RAB5B: variants seen among roughly 807,000 people sequenced by gnomAD.
RAB5B encodes ras-related protein Rab-5B.
A neutral mutation model predicts 28.6 loss-of-function variants in RAB5B; 11 were observed. The observed-to-expected ratio is 0.38, with a 90% CI of 0.24 to 0.64. RAB5B has a LOEUF of 0.64. Among genes scored for constraint, RAB5B ranks in the 30% least tolerant of loss-of-function variants. RAB5B has a pLI of 0.53. For missense variants in RAB5B, 169 were observed against 265.6 expected (o/e 0.64, Z 2.53); for synonymous variants, 93 against 97.9 (o/e 0.95, Z 0.29).
At chr12:55,990,381 C>T (rs573339607) in intron 3 of RAB5B, among the ~76,000 whole-genome samples, 1 of 151,846 alleles carries the variant, frequency 6.6e-6, no homozygotes, top group African/African-American at 2.4e-5. Flanking sequence ...GCACTCTAGC[C>T]TCGGCGACAG....
rs753560571 is a variant in RAB5B, at chr12:55,990,431, C to G, written c.316-251C>G. Among the ~76,000 whole-genome samples, 19 of 151,854 alleles carry G rather than the reference C, an allele frequency of 1.3e-4. 1 individual carries two copies. The highest frequency in any genetic ancestry group is 6.6e-5 in the Admixed American group (1 of 15,238). On this transcript the variant is annotated intron_variant, in intron 3 of 5. Transcript: ENST00000360299. ...TCAAAAAAAAAAGAAAAAAGACTGT[C>G]CTTGCTTATATTTAGAGGAGTTAGT...
At chr12:55,976,928 G>A (rs942815676) in intron 1 of RAB5B, among the ~76,000 whole-genome samples, 3 of 152,146 alleles carry the variant, frequency 2.0e-5, no homozygotes, top group Non-Finnish European at 4.4e-5. Context: ...TTTCCCCCAA[G>A]GAACTTTTCT....
At chr12:55,986,806 C>T in intron 1 of RAB5B, 63 bp from the exon 2 acceptor site, 1 of 662,038 alleles carries the variant, frequency 1.5e-6, no homozygotes, top group East Asian at 2.7e-5. Flanking sequence ...CTATCCTTCT[C>T]TGAAAAGCGA....
At chr12:55,977,922 A>T (rs939166914) in intron 1 of RAB5B, among the ~76,000 whole-genome samples, 6 of 152,132 alleles carry the variant, frequency 3.9e-5, no homozygotes, top group African/African-American at 1.2e-4. Context: ...GTGTTTCTCA[A>T]GTCAGGAATT....
chr12:55,990,601 A>G, intron 3 of RAB5B, 81 bp from the exon 4 acceptor site: 2 of 1,559,222 alleles, frequency 1.3e-6, no homozygotes, highest in Non-Finnish European at 1.8e-6. Context: ...AGAAGAGGTG[A>G]ATTTTGAGAC....
rs755230046 is a variant in RAB5B at position 55,987,072 on chromosome 12, T to A, written c.112T>A (p.Leu38Ile). ...TGCAGTGGGAAAGTCAAGCCTGGTATTACGTTTTGTCAAAGGGCAGTTCCA... is the reference window on the plus strand; with the variant it reads ...TGCAGTGGGAAAGTCAAGCCTGGTAATACGTTTTGTCAAAGGGCAGTTCCA... ...ESAVGKSSLV[L>I]RFVKGQFHEY... Residue 38 changes from leucine to isoleucine, a missense_variant, in exon 2 of 6, where the codon TTA becomes ATA. Physicochemically the swap from Leu to Ile is conservative, Grantham distance 5 (BLOSUM62 2). Around this residue, in one of 3 missense-constraint regions of RAB5B, gnomAD observed 43 missense variants for 85.8 expected, o/e 0.50. Coordinates refer to ENST00000360299, the MANE Select transcript of RAB5B (RefSeq NM_002868.4). 12 of 1,614,082 alleles carry A rather than the reference T, an allele frequency of 7.4e-6. No individual in the cohort carries two copies. The highest frequency in any genetic ancestry group is 1.0e-5 in the Non-Finnish European group (12 of 1,180,002).
intron 1 of RAB5B, among the ~76,000 whole-genome samples, chr12:55,979,820 A>G (rs78930721): frequency 0.077 from 11,702 of 152,230 alleles, 1,494 homozygotes; most frequent in African/African-American, 0.27. Context: ...TTCTCTTTAG[A>G]GTTCAGCATT....
At chr12:55,983,422 G>A (rs1388855257) in intron 1 of RAB5B, among the ~76,000 whole-genome samples, 1 of 152,132 alleles carries the variant, frequency 6.6e-6, no homozygotes, top group Non-Finnish European at 1.5e-5. Context: ...TGAAAAATTT[G>A]CTGTATCATC....
intron 1 of RAB5B, among the ~76,000 whole-genome samples, chr12:55,986,448 AAAAG>A (rs1399848678): frequency 6.6e-6 from 1 of 152,188 alleles, no homozygotes; most frequent in African/African-American, 2.4e-5. Context: ...GTCTCAAAAA[AAAAG>A]AAGAAAAGGA....
At chr12:55,975,048 A>T (rs952850040) in intron 1 of RAB5B, among the ~76,000 whole-genome samples, 1 of 152,194 alleles carries the variant, frequency 6.6e-6, no homozygotes, top group Admixed American at 6.5e-5. Context: ...TGAAAGAGCT[A>T]AGAAGTTGGA....
chr12:55,978,949 T>A (rs1889723620), intron 1 of RAB5B, among the ~76,000 whole-genome samples: 1 of 152,050 alleles, frequency 6.6e-6, no homozygotes, highest in Non-Finnish European at 1.5e-5. Flanking sequence ...ATTTTTGTAT[T>A]TTTAGTAGAG....
At chr12:55,985,797 C>T (rs1889936572) in intron 1 of RAB5B, 1 of 450,378 alleles carries the variant, frequency 2.2e-6, no homozygotes, top group African/African-American at 2.0e-5. Flanking sequence ...TAATCTAATC[C>T]CTAGGCACCA....
intron 1 of RAB5B, among the ~76,000 whole-genome samples, chr12:55,981,212 C>T (rs548504934): frequency 2.6e-5 from 4 of 152,116 alleles, no homozygotes; most frequent in Admixed American, 2.6e-4. Context: ...TACAGGCACG[C>T]ACCACCACAC....
At chr12:55,978,271 G>A (rs560143993) in intron 1 of RAB5B, among the ~76,000 whole-genome samples, 3 of 152,238 alleles carry the variant, frequency 2.0e-5, no homozygotes, top group South Asian at 2.1e-4. Flanking sequence ...AGGCTGAGGC[G>A]GGTGGATCAC....
intron 1 of RAB5B, among the ~76,000 whole-genome samples, chr12:55,986,449 AAAG>A (rs1270789568): frequency 6.6e-6 from 1 of 152,188 alleles, no homozygotes; most frequent in Admixed American, 6.5e-5. Flanking sequence ...TCTCAAAAAA[AAAG>A]AAGAAAAGGA....
Position 55,990,788 on chromosome 12 carries a change from G to T in RAB5B, c.422G>T (p.Arg141Leu), listed in dbSNP as rs778468588. 1.9e-6 allele frequency: 3 copies of T among 1,613,788 alleles called. No individual in the cohort carries two copies. In the African/African-American group the frequency reaches 4.0e-5, roughly 22 times the overall value. Residue 141 changes from arginine (R) to leucine (L), a missense_variant, in exon 4 of 6, where the codon CGT (arginine) becomes CTT (leucine). Coordinates refer to ENST00000360299, the MANE Select transcript of RAB5B (RefSeq NM_002868.4). ...AGNKADLANK[R>L]MVEYEEAQAY... ...AACAAAGCTGACCTGGCCAACAAAC[G>T]TATGGTGGAGTATGAAGTAAGGTGG...
chr12:55,975,991 C>T (rs568558264), intron 1 of RAB5B, among the ~76,000 whole-genome samples: 73 of 151,890 alleles, frequency 4.8e-4, no homozygotes, highest in Non-Finnish European at 8.1e-4. Context: ...ACCTCATGAT[C>T]CGCCCACCTC....
At chr12:55,990,377 T>C (rs987392742) in intron 3 of RAB5B, among the ~76,000 whole-genome samples, 4 of 151,546 alleles carry the variant, frequency 2.6e-5, no homozygotes, top group South Asian at 2.1e-4. Context: ...CACTGCACTC[T>C]AGCCTCGGCG....
At chr12:55,991,540 ATCTCCTTTTGC>A in intron 5 of RAB5B, 87 bp downstream of exon 5, 1 of 1,135,478 alleles carries the variant, frequency 8.8e-7, no homozygotes, top group Non-Finnish European at 1.3e-6. Flanking sequence ...AGGTGCGAGT[ATCTCCTTTTGC>A]AAAAACTTTA....
Sources: gnomAD v4.1 joint callset for allele counts (sites outside exome capture counted in the v4.1 genomes callset) on GRCh38, gnomAD v4.1.1 for gene constraint, gnomAD v4.1.1 regional missense constraint, MANE v1.5 for transcripts, NCBI Gene and HGNC (gene_info 2026-07-23, HGNC 2026-07-21) for gene names.